The following SLC8A1 variants were observed in gnomAD, a reference collection of about 807,000 sequenced individuals.
SLC8A1 encodes sodium/calcium exchanger 1.
SLC8A1 carries 18 observed loss-of-function variants against 68.3 expected under a neutral mutation model. The observed-to-expected ratio is 0.26, with a 90% confidence interval of 0.18 to 0.39. SLC8A1 has a LOEUF of 0.39. Ranked by LOEUF, SLC8A1 falls within the 10% of genes least tolerant of loss-of-function variation. The probability of loss-of-function intolerance (pLI) is 1.00; values close to 1 mark genes in which losing one functional copy is unlikely to be tolerated. For missense variants in SLC8A1, 985 were observed against 1,156.7 expected, an observed-to-expected ratio of 0.85 and a Z score of 2.15; for synonymous variants, 475 against 415.5, an observed-to-expected ratio of 1.14 and a Z score of -1.74.
Position 40,436,417 on chromosome 2 carries a change from G to A in SLC8A1, c.-24-6113C>T, listed in dbSNP as rs545207130. Among the ~76,000 whole-genome samples the A allele has an allele frequency of 1.6e-4, 24 of 152,234 alleles. No homozygotes were observed. In the South Asian group the frequency reaches 4.8e-3, roughly 30 times the overall value. On this transcript the variant is annotated intron_variant, in intron 1 of 7. Coordinates refer to ENST00000406785, the Ensembl canonical transcript of SLC8A1. ...TTCAAAATCAGATTGTAAAGTCAAT[G>A]TCAGTGTTAGGAAGAGAGGAAACAC...
intron 1 of SLC8A1, among the ~76,000 whole-genome samples, chr2:40,441,950 C>A (rs1476854077): frequency 1.3e-5 from 2 of 148,430 alleles, no homozygotes; most frequent in Admixed American, 1.4e-4. Flanking sequence ...TTCTGCATAG[C>A]AAAAGAAACT....
intron 1 of SLC8A1, among the ~76,000 whole-genome samples, chr2:40,433,041 C>A (rs1268489109): frequency 1.3e-5 from 2 of 152,094 alleles, no homozygotes; most frequent in African/African-American, 2.4e-5. Context: ...GAGATTCAAA[C>A]CTGTGTCTGT....
chr2:40,282,197 G>T (rs564845305), intron 2 of SLC8A1, among the ~76,000 whole-genome samples: 1 of 152,202 alleles, frequency 6.6e-6, no homozygotes, highest in Admixed American at 6.5e-5. Context: ...GGCATGCTGG[G>T]AAATTTAACT....
At chr2:40,445,390 A>G (rs1027006802) in intron 1 of SLC8A1, among the ~76,000 whole-genome samples, 2 of 152,206 alleles carry the variant, frequency 1.3e-5, no homozygotes, top group African/African-American at 2.4e-5. Context: ...TTAGACATTC[A>G]GGAATTCCTG....
intron 1 of SLC8A1, among the ~76,000 whole-genome samples, chr2:40,500,335 T>G (rs1017423518): frequency 1.3e-5 from 2 of 152,088 alleles, no homozygotes; most frequent in Non-Finnish European, 2.9e-5. Flanking sequence ...CTTAAAACAA[T>G]GAAATCCATG....
chr2:40,408,831 G>A (rs905129916), intron 2 of SLC8A1, among the ~76,000 whole-genome samples: 16 of 152,034 alleles, frequency 1.1e-4, no homozygotes, highest in African/African-American at 3.9e-4. Flanking sequence ...CTGAAAGATA[G>A]AGCATTTGAG....
intron 2 of SLC8A1, among the ~76,000 whole-genome samples, chr2:40,208,090 C>A (rs540216921): frequency 6.6e-6 from 1 of 152,138 alleles, no homozygotes; most frequent in East Asian, 1.9e-4. Flanking sequence ...CACCTACAGC[C>A]AAGGAATGAG....
rs138168687 is a variant in SLC8A1 at position 40,413,874 on chromosome 2, A to G, written c.1808+14599T>C. Among the ~76,000 whole-genome samples the G allele has an allele frequency of 3.9e-5, 6 of 152,328 alleles. No individual in the cohort carries two copies. The East Asian group carries it at 1.2e-3, about 29-fold the overall frequency. On this transcript the variant is annotated intron_variant, in intron 2 of 7. Transcript: ENST00000406785. ...TTATGTTTTCTTAAACTATAGGTTGACCCATTGCAAGCACATGATGATGCG... is the reference window on the plus strand; with the variant it reads ...TTATGTTTTCTTAAACTATAGGTTGGCCCATTGCAAGCACATGATGATGCG...
chr2:40,410,409 A>T (rs2149696580), intron 2 of SLC8A1, among the ~76,000 whole-genome samples: 1 of 152,278 alleles, frequency 6.6e-6, no homozygotes, highest in Non-Finnish European at 1.5e-5. Context: ...GACTGGTAAA[A>T]GAAGCCCATA....
At chr2:40,453,396 C>G (rs1441150114), upstream of SLC8A1, 1 of 152,054 alleles carries the variant, frequency 6.6e-6, no homozygotes, top group Non-Finnish European at 1.5e-5. Context: ...TGGAGACGTC[C>G]CCCCATACTT....
chr2:40,295,127 T>C (rs1337019956), intron 2 of SLC8A1, among the ~76,000 whole-genome samples: 2 of 151,908 alleles, frequency 1.3e-5, no homozygotes, highest in Admixed American at 1.3e-4. Flanking sequence ...TGATGCAAGG[T>C]CTCACTCTGT....
At chr2:40,456,921 T>C (rs970284865), upstream of SLC8A1, among the ~76,000 whole-genome samples, 1 of 152,238 alleles carries the variant, frequency 6.6e-6, no homozygotes, top group African/African-American at 2.4e-5. Flanking sequence ...TTTTCCTCTC[T>C]GTAATGAAAA....
chr2:40,191,123 T>A (rs1558684680), intron 2 of SLC8A1, among the ~76,000 whole-genome samples: 2 of 152,150 alleles, frequency 1.3e-5, no homozygotes, highest in African/African-American at 4.8e-5. Flanking sequence ...CCCAAACAAG[T>A]AATTAAATAT....
chr2:40,127,491 C>A (rs1432667796), intron 7 of SLC8A1, among the ~76,000 whole-genome samples: 1 of 152,174 alleles, frequency 6.6e-6, no homozygotes, highest in African/African-American at 2.4e-5. Context: ...TCATCATACA[C>A]AGAATCCTTC....
chr2:40,419,957 C>G (rs1695017722), intron 2 of SLC8A1, among the ~76,000 whole-genome samples: 2 of 152,088 alleles, frequency 1.3e-5, no homozygotes, highest in Non-Finnish European at 2.9e-5. Flanking sequence ...AATAAAACCA[C>G]CTTGTTCGAA....
At chr2:40,344,212 C>A (rs1423034526) in intron 2 of SLC8A1, among the ~76,000 whole-genome samples, 1 of 152,160 alleles carries the variant, frequency 6.6e-6, no homozygotes, top group East Asian at 1.9e-4. Context: ...AAGATGTCAA[C>A]AGCAAAGTAT....
At chr2:40,316,758 C>T (rs577574947) in intron 2 of SLC8A1, among the ~76,000 whole-genome samples, 1 of 151,930 alleles carries the variant, frequency 6.6e-6, no homozygotes, top group African/African-American at 2.4e-5. Context: ...GTCCAAAATA[C>T]CTCCCTCCCC....
chr2:40,208,632 A>G (rs1021192151), intron 2 of SLC8A1, among the ~76,000 whole-genome samples: 1 of 152,160 alleles, frequency 6.6e-6, no homozygotes, highest in Admixed American at 6.5e-5. Context: ...TCTTTGGCAC[A>G]TCAATCAACT....
At chr2:40,163,555 G>A (rs542267564) in intron 5 of SLC8A1, among the ~76,000 whole-genome samples, 3 of 152,270 alleles carry the variant, frequency 2.0e-5, no homozygotes, top group Non-Finnish European at 2.9e-5. Flanking sequence ...GAGATTCCCC[G>A]ACTTCTGGAA....
Sources: allele counts gnomAD v4.1 joint callset (sites outside exome capture counted in the v4.1 genomes callset), GRCh38; gene constraint gnomAD v4.1.1; transcripts MANE v1.5; gene names NCBI Gene and HGNC (gene_info 2026-07-23, HGNC 2026-07-21).